The following GATAD2B variants were observed in gnomAD, a reference collection of about 807,000 sequenced individuals.
GATAD2B encodes the protein GATA zinc finger domain containing 2B, also known as transcriptional repressor p66-beta.
GATAD2B carries 8 observed loss-of-function variants against 64.3 expected under a neutral mutation model. The ratio of observed to expected loss-of-function variants is 0.12; its 90% CI spans 0.07 to 0.22. The LOEUF is 0.22. Among genes scored for constraint, GATAD2B ranks in the 10% least tolerant of loss-of-function variants. The probability of loss-of-function intolerance (pLI) is 1.00; values close to 1 mark genes in which losing one functional copy is unlikely to be tolerated. For missense variants in GATAD2B, 453 were observed against 752.0 expected (o/e 0.60, Z 4.65); for synonymous variants, 281 against 271.3 (o/e 1.04, Z -0.35).
chr1:153,862,159 G>A (rs1368133824), intron 1 of GATAD2B, among the ~76,000 whole-genome samples: 2 of 107,024 alleles, frequency 1.9e-5, no homozygotes, highest in Non-Finnish European at 3.5e-5. Context: ...GTCTTGCTCT[G>A]TCACCCAGGA....
chr1:153,876,618 G>A (rs1164280313), intron 1 of GATAD2B, among the ~76,000 whole-genome samples: 2 of 152,176 alleles, frequency 1.3e-5, no homozygotes. Flanking sequence ...ATGAACAGGA[G>A]GTAAACAGCT....
chr1:153,901,005 C>A (rs960042581), intron 1 of GATAD2B, among the ~76,000 whole-genome samples: 1 of 151,810 alleles, frequency 6.6e-6, no homozygotes, highest in African/African-American at 2.4e-5. Flanking sequence ...CTTGAGGTCA[C>A]GAGTTCGAGA....
chr1:153,839,190 T>C (rs1675387259), intron 1 of GATAD2B, among the ~76,000 whole-genome samples: 1 of 138,912 alleles, frequency 7.2e-6, no homozygotes, highest in South Asian at 2.2e-4. Flanking sequence ...AAAAGAAAAA[T>C]GTCCAACTTT....
chr1:153,912,089 T>A (rs546516485), intron 1 of GATAD2B, among the ~76,000 whole-genome samples: 3 of 152,374 alleles, frequency 2.0e-5, no homozygotes, highest in East Asian at 3.8e-4. Context: ...TCTTCGGTGA[T>A]ATCTACCCAA....
At chr1:153,859,869 T>TC (rs1177870914) in intron 1 of GATAD2B, among the ~76,000 whole-genome samples, 1 of 151,566 alleles carries the variant, frequency 6.6e-6, no homozygotes, top group Non-Finnish European at 1.5e-5. Flanking sequence ...AGGCAATTTT[T>TC]CCTTTCTTTG....
chr1:153,900,004 T>C (rs1437122549), intron 1 of GATAD2B, among the ~76,000 whole-genome samples: 1 of 152,192 alleles, frequency 6.6e-6, no homozygotes, highest in South Asian at 2.1e-4. Flanking sequence ...GCAAACACCC[T>C]AACTGTTCCT....
intron 1 of GATAD2B, among the ~76,000 whole-genome samples, chr1:153,850,287 A>AT (rs1185637343): frequency 6.6e-6 from 1 of 152,030 alleles, no homozygotes; most frequent in African/African-American, 2.4e-5. Flanking sequence ...ACCCACACAA[A>AT]TAAGCCCATA....
chr1:153,843,448 A>G (rs1675568205), intron 1 of GATAD2B, among the ~76,000 whole-genome samples: 1 of 151,896 alleles, frequency 6.6e-6, no homozygotes, highest in Admixed American at 6.6e-5. Flanking sequence ...CAAAAAAAAA[A>G]GTTATTTGTA....
At chr1:153,895,512 T>C (rs1462227639) in intron 1 of GATAD2B, among the ~76,000 whole-genome samples, 2 of 147,016 alleles carry the variant, frequency 1.4e-5, no homozygotes, top group Non-Finnish European at 3.0e-5. Context: ...CCCAAGAGAT[T>C]GGGGCTGCAG....
intron 1 of GATAD2B, among the ~76,000 whole-genome samples, chr1:153,863,980 A>C (rs1676395161): frequency 6.6e-6 from 1 of 152,296 alleles, no homozygotes; most frequent in Non-Finnish European, 1.5e-5. Context: ...TTCCTTAGGA[A>C]TATTTTTTAT....
intron 1 of GATAD2B, among the ~76,000 whole-genome samples, chr1:153,845,416 T>A (rs1379577682): frequency 6.6e-6 from 1 of 151,412 alleles, no homozygotes; most frequent in African/African-American, 2.4e-5. Context: ...TTCCAGCCTA[T>A]GCAAAATAGT....
chr1:153,917,399 C>CT lies in GATAD2B; in HGVS notation c.-2+5333dup, dbSNP rs1368509368. On this transcript the variant is annotated intron_variant, in intron 1 of 10. Coordinates refer to ENST00000368655, the MANE Select transcript of GATAD2B (RefSeq NM_020699.4). ...GTGTGAGCCACCATGCCCCACATAT[C>CT]TTTTTTTTTTTTTGAAACTGAGTCT... Among the ~76,000 whole-genome samples, 523 of 119,714 alleles carry CT rather than the reference C, an allele frequency of 4.4e-3. 5 individuals are homozygous for CT. Among genetic ancestry groups the CT allele is most frequent in the Middle Eastern group, 0.029 (4 of 140 alleles). 78.5% of individuals were successfully genotyped at this position (119,714 alleles called of 152,430 possible). A position where few individuals can be genotyped will look rare whatever the true frequency, so the allele number is the denominator to read the frequency against.
At chr1:153,810,362 T>A (rs375027033) in intron 10 of GATAD2B, 52 bp from the exon 11 acceptor site, 1 of 1,581,766 alleles carries the variant, frequency 6.3e-7, no homozygotes, top group African/African-American at 1.4e-5. Context: ...GGAAATAACA[T>A]TCCCTTCCAC....
chr1:153,822,364 C>G (rs913478575), intron 2 of GATAD2B, among the ~76,000 whole-genome samples: 2 of 152,040 alleles, frequency 1.3e-5, no homozygotes, highest in African/African-American at 4.8e-5. Context: ...TGCCCAGTAC[C>G]AAGACAGAGA....
chr1:153,866,260 A>T (rs1003654923), intron 1 of GATAD2B, among the ~76,000 whole-genome samples: 44 of 151,868 alleles, frequency 2.9e-4, no homozygotes, highest in Admixed American at 1.5e-3. Context: ...GTCATAATAG[A>T]GAGGTGAGAA....
intron 1 of GATAD2B, among the ~76,000 whole-genome samples, chr1:153,864,486 G>A (rs569741277): frequency 6.6e-6 from 1 of 152,242 alleles, no homozygotes; most frequent in African/African-American, 2.4e-5. Context: ...GTACAATGGC[G>A]CATGCCTATA....
chr1:153,842,272 T>C (rs990377121), intron 1 of GATAD2B, among the ~76,000 whole-genome samples: 3 of 152,244 alleles, frequency 2.0e-5, no homozygotes, highest in African/African-American at 7.2e-5. Context: ...TTCTCTTCTG[T>C]GAAACTTCTG....
In GATAD2B at chr1:153,808,592, A is replaced by T. The variant is rs1005996941; in HGVS notation, c.*1585T>A. 6.6e-6 allele frequency: 1 copy of T among 152,518 alleles called. No individual in the cohort carries two copies. The highest frequency in any genetic ancestry group is 2.1e-4 in the South Asian group (1 of 4,806). 9.4% of individuals were successfully genotyped at this position (152,518 alleles called of 1,614,324 possible). A position where few individuals can be genotyped will look rare whatever the true frequency, so the allele number is the denominator to read the frequency against. On this transcript the variant is annotated 3_prime_UTR_variant, in exon 11 of 11. Coordinates refer to ENST00000368655, the MANE Select transcript of GATAD2B (RefSeq NM_020699.4). Reference sequence around the variant, plus strand: ...CTGCTGAGAACATTCCCCCCAGTGCACTCTGGCAGCTTCTGGAGCCAGAGA... The same window carrying T: ...CTGCTGAGAACATTCCCCCCAGTGCTCTCTGGCAGCTTCTGGAGCCAGAGA...
chr1:153,852,143 T>C lies in GATAD2B; in HGVS notation c.-1-23795A>G, dbSNP rs911533012. On this transcript the variant is annotated intron_variant, in intron 1 of 10. Coordinates refer to ENST00000368655, the MANE Select transcript of GATAD2B (RefSeq NM_020699.4). ...GATCGCTGGGCCTCCTGGCTGCTCT[T>C]GTCCATCTCTGCACTTTGGTCCTAA... is the stretch of plus-strand genomic sequence containing the variant. 1.7e-5 allele frequency: 12 copies of C among 703,584 alleles called. No homozygotes were observed. In the Admixed American group the frequency reaches 2.3e-4, roughly 13 times the overall value. 43.6% of individuals were successfully genotyped at this position (703,584 alleles called of 1,614,324 possible).
Sources: allele counts gnomAD v4.1 joint callset (sites outside exome capture counted in the v4.1 genomes callset), GRCh38; gene constraint gnomAD v4.1.1; transcripts MANE v1.5; gene names NCBI Gene and HGNC (gene_info 2026-07-23, HGNC 2026-07-21).